The following MRPL13 variants were observed in gnomAD, a reference collection of about 807,000 sequenced individuals.
MRPL13 encodes large ribosomal subunit protein uL13m.
A neutral mutation model predicts 29.0 loss-of-function variants in MRPL13; 33 were observed. The observed-to-expected ratio is 1.14, with a 90% confidence interval of 0.86 to 1.52. The LOEUF (loss-of-function observed/expected upper bound fraction) is 1.52, where lower values mean the gene tolerates loss of function less well. Ranked by LOEUF, MRPL13 falls within the 40% of genes most tolerant of loss-of-function variation. The pLI, the probability that MRPL13 is intolerant of heterozygous loss-of-function variation, is 0.00. For synonymous variants in MRPL13, 77 were observed against 68.4 expected, an observed-to-expected ratio of 1.13 and a Z score of -0.62; for missense variants, 227 against 216.7, an observed-to-expected ratio of 1.05 and a Z score of -0.30.
At chr8:120,428,718 A>G (rs1369963114) in intron 3 of MRPL13, among the ~76,000 whole-genome samples, 1 of 152,232 alleles carries the variant, frequency 6.6e-6, no homozygotes, top group Non-Finnish European at 1.5e-5. Flanking sequence ...CATATGGCCA[A>G]CAATCATGAA....
At chr8:120,433,848 T>A (rs760318508) in intron 2 of MRPL13, among the ~76,000 whole-genome samples, 1 of 152,134 alleles carries the variant, frequency 6.6e-6, no homozygotes, top group Non-Finnish European at 1.5e-5. Flanking sequence ...TAAATACATA[T>A]AGTTTCATTT....
At position 120,419,951 on chromosome 8, in the gene MRPL13, C is replaced by T. The variant is rs1292589622; in HGVS notation, c.307-13G>A. Reference sequence around the variant, plus strand: ...CTAGTTTTACAATCTGAAAGATATACATAGGACACAATAAGAAAATTGTGA... The same window carrying T: ...CTAGTTTTACAATCTGAAAGATATATATAGGACACAATAAGAAAATTGTGA... On this transcript the variant is annotated splice_polypyrimidine_tract_variant and intron_variant, in intron 4 of 6. Coordinates refer to ENST00000306185, the MANE Select transcript of MRPL13 (RefSeq NM_014078.6). 3.9e-6 allele frequency: 6 copies of T among 1,521,572 alleles called. No homozygotes were observed. Among genetic ancestry groups the T allele is most frequent in the Non-Finnish European group, 5.3e-6 (6 of 1,127,428 alleles). 94.3% of individuals were successfully genotyped at this position (1,521,572 alleles called of 1,614,324 possible).
intron 6 of MRPL13, among the ~76,000 whole-genome samples, chr8:120,409,105 C>A (rs371548713): frequency 6.6e-6 from 1 of 152,144 alleles, no homozygotes; most frequent in Admixed American, 6.5e-5. Flanking sequence ...CTCTAGAGTA[C>A]TGAAACACCA....
At chr8:120,401,618 C>A (rs1052211727) in intron 6 of MRPL13, among the ~76,000 whole-genome samples, 1 of 152,070 alleles carries the variant, frequency 6.6e-6, no homozygotes, top group African/African-American at 2.4e-5. Flanking sequence ...TTTTTCACCA[C>A]CCCTGTTCAA....
chr8:120,403,860 A>C (rs1001210385), intron 6 of MRPL13, among the ~76,000 whole-genome samples: 5 of 152,204 alleles, frequency 3.3e-5, no homozygotes, highest in Non-Finnish European at 7.3e-5. Flanking sequence ...TAACTCTACT[A>C]GAATTTTAAA....
intron 6 of MRPL13, among the ~76,000 whole-genome samples, chr8:120,396,725 A>G (rs1025520761): frequency 6.6e-6 from 1 of 152,260 alleles, no homozygotes; most frequent in Non-Finnish European, 1.5e-5. Context: ...GTATTAAATT[A>G]TAACAATAGA....
intron 3 of MRPL13, among the ~76,000 whole-genome samples, chr8:120,428,493 T>G (rs1414511698): frequency 6.6e-6 from 1 of 152,134 alleles, no homozygotes; most frequent in Non-Finnish European, 1.5e-5. Context: ...AATTGACAGA[T>G]GGGATGTAAT....
chr8:120,405,092 A>G lies in MRPL13; in HGVS notation c.515+8899T>C, dbSNP rs373248590. Among the ~76,000 whole-genome samples the G allele has an allele frequency of 2.0e-5, 3 of 152,206 alleles. No homozygotes were observed. In the East Asian group the frequency reaches 5.8e-4, roughly 29 times the overall value. On this transcript the variant is annotated intron_variant, in intron 6 of 6. Transcript: ENST00000306185. ...GTTAATTTGCTTCCAAAGGGGGAAA[A>G]GCAGTATCATGGCCAAAGACTAGAT...
intron 6 of MRPL13, among the ~76,000 whole-genome samples, chr8:120,402,306 T>A (rs1200820257): frequency 3.3e-5 from 5 of 152,124 alleles, no homozygotes; most frequent in African/African-American, 4.8e-5. Flanking sequence ...AACAGACACA[T>A]AGACCAATGG....
intron 2 of MRPL13, among the ~76,000 whole-genome samples, chr8:120,436,031 T>C (rs1813050783): frequency 6.6e-6 from 1 of 152,090 alleles, no homozygotes; most frequent in Non-Finnish European, 1.5e-5. Flanking sequence ...TGTTAATCAA[T>C]CTTATGCTCT....
chr8:120,398,914 C>CACA (rs1256017095), intron 6 of MRPL13, among the ~76,000 whole-genome samples: 2 of 151,608 alleles, frequency 1.3e-5, no homozygotes, highest in Non-Finnish European at 2.9e-5. Flanking sequence ...GACAGGCAGA[C>CACA]AATAATACAC....
intron 2 of MRPL13, among the ~76,000 whole-genome samples, chr8:120,440,852 C>T (rs895466295): frequency 3.3e-5 from 5 of 151,780 alleles, no homozygotes; most frequent in East Asian, 1.9e-4. Context: ...GAAAGAATTA[C>T]GTGGAGGCAA....
chr8:120,439,174 G>A (rs1252035492), intron 2 of MRPL13, among the ~76,000 whole-genome samples: 1 of 152,216 alleles, frequency 6.6e-6, no homozygotes, highest in African/African-American at 2.4e-5. Flanking sequence ...ACAAGGTGAT[G>A]CTCTGCCTTC....
At position 120,406,587 on chromosome 8, in the gene MRPL13, GT is replaced by G. The variant is rs1163463220; in HGVS notation, c.515+7403del. Among the ~76,000 whole-genome samples the G allele has an allele frequency of 8.4e-4, 107 of 127,694 alleles. 1 individual carries two copies. The highest frequency in any genetic ancestry group is 2.7e-3 in the African/African-American group (102 of 38,472). 83.8% of individuals were successfully genotyped at this position (127,694 alleles called of 152,430 possible). A position where few individuals can be genotyped will look rare whatever the true frequency, so the allele number is the denominator to read the frequency against. The stretch of plus-strand genomic sequence containing the variant: ...TGTGTGTGTGTGTGTGTGTGTGTGT[GT>G]GTGTAATTGTTATCTAATACAGCTA... On this transcript the variant is annotated intron_variant, in intron 6 of 6. Coordinates refer to ENST00000306185, the MANE Select transcript of MRPL13 (RefSeq NM_014078.6).
At chr8:120,425,265 G>C in intron 4 of MRPL13, 41 bp downstream of exon 4, 1 of 1,472,936 alleles carries the variant, frequency 6.8e-7, no homozygotes, top group Non-Finnish European at 9.5e-7. Context: ...ATCTGAATTG[G>C]TCTTTCCAAA....
intron 6 of MRPL13, among the ~76,000 whole-genome samples, chr8:120,401,951 A>T (rs948303442): frequency 1.3e-5 from 2 of 152,240 alleles, no homozygotes; most frequent in Non-Finnish European, 2.9e-5. Flanking sequence ...AGGGAAATTA[A>T]GGACCTCTTC....
chr8:120,440,150 A>C (rs902645704), intron 2 of MRPL13, among the ~76,000 whole-genome samples: 3 of 152,172 alleles, frequency 2.0e-5, no homozygotes, highest in Admixed American at 2.0e-4. Flanking sequence ...CATGAACACT[A>C]TTTTTTTTAA....
intron 1 of MRPL13, among the ~76,000 whole-genome samples, chr8:120,444,311 T>A (rs1448865383): frequency 1.3e-5 from 2 of 151,884 alleles, no homozygotes; most frequent in African/African-American, 4.8e-5. Flanking sequence ...GAGTTGAGAG[T>A]CATCTTAGAC....
intron 6 of MRPL13, among the ~76,000 whole-genome samples, chr8:120,406,153 T>C (rs1010004712): frequency 6.6e-6 from 1 of 152,224 alleles, no homozygotes; most frequent in Non-Finnish European, 1.5e-5. Context: ...CTAACACCTG[T>C]CAATTTTTTT....
Sources: gnomAD v4.1 joint callset for allele counts (sites outside exome capture counted in the v4.1 genomes callset) on GRCh38, gnomAD v4.1.1 for gene constraint, MANE v1.5 for transcripts, NCBI Gene and HGNC (gene_info 2026-07-23, HGNC 2026-07-21) for gene names.